RPL26L1: variants seen among roughly 807,000 people sequenced by gnomAD.
RPL26L1 encodes ribosomal protein L26 like 1.
Under a neutral mutation model 15.2 loss-of-function variants are expected in RPL26L1, and 8 were observed. The ratio of observed to expected loss-of-function variants is 0.53; its 90% CI spans 0.31 to 0.95. The LOEUF is 0.95. Among genes scored for constraint, RPL26L1 ranks in the 40% least tolerant of loss-of-function variants. The probability of loss-of-function intolerance (pLI) is 0.05; values close to 1 mark genes in which losing one functional copy is unlikely to be tolerated. For synonymous variants in RPL26L1, 51 were observed against 65.9 expected (o/e 0.77, Z 1.09); for missense variants, 146 against 190.9 (o/e 0.76, Z 1.39).
upstream of RPL26L1, chr5:172,954,997 G>T: frequency 2.2e-6 from 1 of 456,202 alleles, no homozygotes; most frequent in Non-Finnish European, 4.4e-6. Flanking sequence ...CTCTGGAGAC[G>T]TGCTTCGTGA....
chr5:172,958,091 C>T (rs563615329), upstream of RPL26L1: 21 of 295,542 alleles, frequency 7.1e-5, no homozygotes, highest in African/African-American at 4.1e-4. Context: ...ATGGAGAAAC[C>T]CCGTCTCTAC....
rs1343140574 is a variant in RPL26L1, at chr5:172,968,602, A to G, written c.309+3A>G. The stretch of plus-strand genomic sequence containing the variant: ...ACGTGGGCATTCACCCAAGCAAGGT[A>G]TGGTCAAGGACTGAGTGGCAGTAGC... On this transcript the variant is annotated splice_donor_region_variant and intron_variant, in intron 3 of 3. Transcript: ENST00000265100. 1 of 1,613,608 alleles carries G rather than the reference A, an allele frequency of 6.2e-7. No homozygotes were observed. Among genetic ancestry groups the G allele is most frequent in the Non-Finnish European group, 8.5e-7 (1 of 1,179,774 alleles).
intron 3 of RPL26L1, 66 bp from the exon 4 acceptor site, chr5:172,969,347 A>G: frequency 6.6e-7 from 1 of 1,521,116 alleles, no homozygotes; most frequent in South Asian, 1.2e-5. Flanking sequence ...TTAACTTATG[A>G]TGTCTATATT....
At position 172,959,481 on chromosome 5, in the gene RPL26L1, T is replaced by G. The variant is rs887787491; in HGVS notation, c.-10+13T>G. On this transcript the variant is annotated intron_variant, in intron 1 of 3. Transcript: ENST00000265100. ...AGCTAGTAGCCGGGTGAGTGGAGGCTGGAGTTTTCTCGGACAGTGAACTCT... is the reference window on the plus strand; with the variant it reads ...AGCTAGTAGCCGGGTGAGTGGAGGCGGGAGTTTTCTCGGACAGTGAACTCT... The G allele has an allele frequency of 1.7e-5, 17 of 1,025,184 alleles. No individual in the cohort carries two copies. Among genetic ancestry groups the G allele is most frequent in the Non-Finnish European group, 2.0e-5 (17 of 850,568 alleles). The allele number at this position is 1,025,184 out of a possible 1,614,324, so 63.5% of individuals were successfully genotyped here. A position where few individuals can be genotyped will look rare whatever the true frequency, so the allele number is the denominator to read the frequency against.
intron 2 of RPL26L1, 58 bp from the exon 3 acceptor site, chr5:172,968,401 C>T: frequency 6.3e-7 from 1 of 1,591,152 alleles, no homozygotes; most frequent in South Asian, 1.1e-5. Context: ...TGGTTAGCTT[C>T]CTCTTTATGA....
chr5:172,957,825 C>T (rs1461499057), upstream of RPL26L1: 1 of 165,380 alleles, frequency 6.0e-6, no homozygotes, highest in Non-Finnish European at 1.3e-5. Flanking sequence ...AGCCTGGGCA[C>T]ACGCACAGCT....
chr5:172,962,188 T>C (rs1755255302), intron 2 of RPL26L1, among the ~76,000 whole-genome samples: 1 of 152,216 alleles, frequency 6.6e-6, no homozygotes, highest in Non-Finnish European at 1.5e-5. Context: ...CAGAGTGGTA[T>C]TATTTGCAAA....
upstream of RPL26L1, chr5:172,959,326 C>T (rs79066055): frequency 6.8e-3 from 6,770 of 999,402 alleles, 42 homozygotes; most frequent in Middle Eastern, 0.02. Flanking sequence ...GAATGAGGCA[C>T]TGAGATCCCA....
rs1006201694 is a variant in RPL26L1, at chr5:172,959,482, G to T, written c.-10+14G>T. 4.9e-6 allele frequency: 5 copies of T among 1,025,178 alleles called. No individual in the cohort carries two copies. The highest frequency in any genetic ancestry group is 5.9e-6 in the Non-Finnish European group (5 of 850,552). The allele number at this position is 1,025,178 out of a possible 1,614,324, so 63.5% of individuals were successfully genotyped here. ...GCTAGTAGCCGGGTGAGTGGAGGCT[G>T]GAGTTTTCTCGGACAGTGAACTCTA... On this transcript the variant is annotated intron_variant, in intron 1 of 3. Coordinates refer to ENST00000265100, the MANE Select transcript of RPL26L1 (RefSeq NM_016093.4).
chr5:172,967,913 A>G (rs1272551004), intron 2 of RPL26L1, among the ~76,000 whole-genome samples: 4 of 151,670 alleles, frequency 2.6e-5, no homozygotes, highest in African/African-American at 4.8e-5. Context: ...AAATACATAT[A>G]CGCACATATG....
At chr5:172,959,415 CG>C (rs1397155206), upstream of RPL26L1, 2 of 1,004,112 alleles carry the variant, frequency 2.0e-6, no homozygotes, top group African/African-American at 1.7e-5. Flanking sequence ...TTGCGCGGCA[CG>C]GAAACTCACT....
At chr5:172,967,491 C>T (rs936079982) in intron 2 of RPL26L1, among the ~76,000 whole-genome samples, 1 of 150,096 alleles carries the variant, frequency 6.7e-6, no homozygotes, top group South Asian at 2.2e-4. Context: ...AATAAATAAG[C>T]TCTTGCTTTC....
At position 172,959,429 on chromosome 5, in the gene RPL26L1, C is replaced by T. The variant is rs1309940865; in HGVS notation, c.-49C>T. 7.0e-6 allele frequency: 7 copies of T among 997,774 alleles called. No homozygotes were observed. The highest frequency in any genetic ancestry group is 4.2e-5 in the South Asian group (1 of 23,558). The allele number at this position is 997,774 out of a possible 1,614,324, so 61.8% of individuals were successfully genotyped here. A position where few individuals can be genotyped will look rare whatever the true frequency, so the allele number is the denominator to read the frequency against. On this transcript the variant is annotated 5_prime_UTR_variant, in exon 1 of 4. Transcript: ENST00000265100. ...CTTGCGCGGCACGGAAACTCACTTC[C>T]GGCCCTGCGCACTCAGGGTCTGAGG... is the stretch of plus-strand genomic sequence containing the variant.
intron 2 of RPL26L1, among the ~76,000 whole-genome samples, chr5:172,965,068 C>G (rs1470076144): frequency 2.0e-5 from 3 of 152,296 alleles, no homozygotes; most frequent in Non-Finnish European, 4.4e-5. Context: ...CCTGTAATCC[C>G]AGCTACAAGG....
chr5:172,955,041 T>C (rs1764325240), upstream of RPL26L1: 3 of 455,228 alleles, frequency 6.6e-6, no homozygotes, highest in South Asian at 4.6e-5. Flanking sequence ...ACAACACTGG[T>C]TGGGGTGGGT....
chr5:172,959,457 G>T lies in RPL26L1; in HGVS notation c.-21G>T, dbSNP rs185099622. 2.0e-6 allele frequency: 2 copies of T among 1,015,226 alleles called. No homozygotes were observed. Among genetic ancestry groups the T allele is most frequent in the Non-Finnish European group, 2.4e-6 (2 of 844,870 alleles). The allele number at this position is 1,015,226 out of a possible 1,614,324, so 62.9% of individuals were successfully genotyped here. A position where few individuals can be genotyped will look rare whatever the true frequency, so the allele number is the denominator to read the frequency against. On this transcript the variant is annotated 5_prime_UTR_variant, in exon 1 of 4. Transcript: ENST00000265100. ...CCCTGCGCACTCAGGGTCTGAGGCA[G>T]CTAGTAGCCGGGTGAGTGGAGGCTG...
chr5:172,959,993 G>A lies in RPL26L1; in HGVS notation c.120G>A (p.Gln40=). ...CCCCGCTCTCCAAGGAGCTGCGGCA[G>A]AAGTACAATGTCCGCTCCATGCCCA... ...MSSPLSKELR[Q]KYNVRSMPIR... Residue 40 remains glutamine (Q), a synonymous_variant, in exon 2 of 4, where the codon CAG becomes CAA. Transcript: ENST00000265100. 6.2e-7 allele frequency: 1 copy of A among 1,614,228 alleles called. No homozygotes were observed. Among genetic ancestry groups the A allele is most frequent in the South Asian group, 1.1e-5 (1 of 91,076 alleles).
intron 2 of RPL26L1, among the ~76,000 whole-genome samples, chr5:172,966,574 G>A (rs1247661612): frequency 1.3e-5 from 2 of 151,966 alleles, no homozygotes; most frequent in African/African-American, 4.8e-5. Flanking sequence ...GACCAGCCTG[G>A]GCAGCATAGT....
At chr5:172,956,075 C>T (rs1327387557), upstream of RPL26L1, 2 of 152,120 alleles carry the variant, frequency 1.3e-5, no homozygotes, top group African/African-American at 4.8e-5. Flanking sequence ...AGCGTTCTTA[C>T]AATTTTTTAA....
Sources: allele counts gnomAD v4.1 joint callset (sites outside exome capture counted in the v4.1 genomes callset), GRCh38; gene constraint gnomAD v4.1.1; transcripts MANE v1.5; gene names NCBI Gene and HGNC (gene_info 2026-07-23, HGNC 2026-07-21).